The following CUL5 variants were observed in gnomAD, a reference collection of about 807,000 sequenced individuals.
CUL5 encodes the protein cullin-5.
In CUL5, 26 loss-of-function variants were observed where a neutral mutation model predicts 108.8. The observed-to-expected ratio is 0.24, with a 90% CI of 0.18 to 0.33. The LOEUF is 0.33. Among genes scored for constraint, CUL5 ranks in the 10% least tolerant of loss-of-function variants. CUL5 has a pLI of 1.00. For missense variants in CUL5, 524 were observed against 909.2 expected (o/e 0.58, Z 5.45); for synonymous variants, 334 against 298.0 (o/e 1.12, Z -1.25).
intron 2 of CUL5, among the ~76,000 whole-genome samples, chr11:108,036,440 A>G (rs1006358682): frequency 2.0e-5 from 3 of 152,210 alleles, no homozygotes; most frequent in Non-Finnish European, 4.4e-5. Flanking sequence ...AATAGCTGCA[A>G]AGTACAAAGT....
rs1864761555 is a variant in CUL5 at position 108,105,126 on chromosome 11, A to T, written c.*742A>T. 6.6e-6 allele frequency: 1 copy of T among 152,200 alleles called. No homozygotes were observed. The highest frequency in any genetic ancestry group is 2.1e-4 in the South Asian group (1 of 4,826). 9.4% of individuals were successfully genotyped at this position (152,200 alleles called of 1,614,324 possible). A position where few individuals can be genotyped will look rare whatever the true frequency, so the allele number is the denominator to read the frequency against. On this transcript the variant is annotated 3_prime_UTR_variant, in exon 19 of 19. Coordinates refer to ENST00000393094, the MANE Select transcript of CUL5 (RefSeq NM_003478.6). ...GTTTTGAAAAATGAAGCTTATATTA[A>T]TTGTTGCTTCAATAGTTTAAAAAAT... is the stretch of plus-strand genomic sequence containing the variant.
intron 1 of CUL5, among the ~76,000 whole-genome samples, chr11:108,012,875 G>GT (rs1862088634): frequency 6.6e-6 from 1 of 152,126 alleles, no homozygotes; most frequent in Non-Finnish European, 1.5e-5. Flanking sequence ...GGGATTACAG[G>GT]CGTGAGCCAC....
intron 1 of CUL5, among the ~76,000 whole-genome samples, chr11:108,016,455 T>C (rs551160399): frequency 1.3e-5 from 2 of 152,134 alleles, no homozygotes; most frequent in Non-Finnish European, 2.9e-5. Flanking sequence ...GGTTTTGCCA[T>C]GTTGTCCAGG....
chr11:108,085,934 G>A (rs1864211314), intron 11 of CUL5, among the ~76,000 whole-genome samples: 2 of 152,148 alleles, frequency 1.3e-5, no homozygotes, highest in South Asian at 4.1e-4. Flanking sequence ...TACATTTTAA[G>A]TGAGTGAATT....
At chr11:108,012,901 C>T (rs551278127) in intron 1 of CUL5, among the ~76,000 whole-genome samples, 54 of 152,244 alleles carry the variant, frequency 3.5e-4, no homozygotes, top group African/African-American at 1.3e-3. Flanking sequence ...TCTGCCTCCT[C>T]ATACAAACTT....
chr11:108,067,509 ACT>A (rs936623178), intron 7 of CUL5, among the ~76,000 whole-genome samples: 28 of 151,424 alleles, frequency 1.8e-4, no homozygotes, highest in Middle Eastern at 3.4e-3. Flanking sequence ...TATGTGATAC[ACT>A]CTGATATTTT....
intron 2 of CUL5, among the ~76,000 whole-genome samples, chr11:108,041,118 C>T (rs1862895205): frequency 6.6e-6 from 1 of 152,146 alleles, no homozygotes; most frequent in South Asian, 2.1e-4. Context: ...CCTTACCAAC[C>T]TTTCTTAGAA....
At chr11:108,058,599 A>G (rs184505261) in intron 7 of CUL5, among the ~76,000 whole-genome samples, 29 of 151,290 alleles carry the variant, frequency 1.9e-4, no homozygotes, top group African/African-American at 6.8e-4. Flanking sequence ...TATAGAGTGT[A>G]TTGGTGGTGG....
At chr11:108,042,109 A>C (rs1456572129) in intron 2 of CUL5, among the ~76,000 whole-genome samples, 1 of 151,744 alleles carries the variant, frequency 6.6e-6, no homozygotes, top group Non-Finnish European at 1.5e-5. Context: ...AAAGGGGGTT[A>C]GTTTGCCCAA....
chr11:108,034,480 A>G (rs1423090508), intron 2 of CUL5, among the ~76,000 whole-genome samples: 2 of 152,212 alleles, frequency 1.3e-5, no homozygotes. Context: ...CTCAGATGCC[A>G]GCCAAAGGCT....
chr11:108,063,875 C>G (rs1335129261), intron 7 of CUL5, among the ~76,000 whole-genome samples: 1 of 152,082 alleles, frequency 6.6e-6, no homozygotes, highest in African/African-American at 2.4e-5. Flanking sequence ...GTTCCTTTTT[C>G]TACACATTCT....
At chr11:108,102,970 A>AT (rs981375414) in intron 18 of CUL5, among the ~76,000 whole-genome samples, 17 of 151,462 alleles carry the variant, frequency 1.1e-4, no homozygotes, top group Admixed American at 3.9e-4. Flanking sequence ...TAATTTTTGT[A>AT]TTTTTTATAG....
At position 108,073,443 on chromosome 11, in the gene CUL5, A is replaced by G; in HGVS notation, c.1059A>G (p.Lys353=). 4 of 1,599,152 alleles carry G rather than the reference A, an allele frequency of 2.5e-6. No homozygotes were observed. The highest frequency in any genetic ancestry group is 3.4e-6 in the Non-Finnish European group (4 of 1,171,262). ...TTACACTATTTAATAGATTTAGTAA[A>G]CTCGTCAAAGAAGCTTTTCAAGATG... ...QLLTLFNRFS[K]LVKEAFQDDP... Residue 353 remains lysine (K), a synonymous_variant, in exon 10 of 19, where the codon AAA becomes AAG. Coordinates refer to ENST00000393094, the MANE Select transcript of CUL5 (RefSeq NM_003478.6).
intron 1 of CUL5, among the ~76,000 whole-genome samples, chr11:108,022,752 T>C (rs971425836): frequency 2.0e-5 from 3 of 152,184 alleles, no homozygotes; most frequent in African/African-American, 7.2e-5. Context: ...TTTTGAGATA[T>C]AAATTTTTTA....
intron 1 of CUL5, among the ~76,000 whole-genome samples, chr11:108,026,315 T>TAA (rs1337130887): frequency 1.3e-5 from 2 of 152,180 alleles, no homozygotes; most frequent in Non-Finnish European, 2.9e-5. Context: ...AGGCCAGTCA[T>TAA]ACTGCATTTC....
chr11:108,103,186 T>A (rs1180489746), intron 18 of CUL5, among the ~76,000 whole-genome samples: 1 of 152,226 alleles, frequency 6.6e-6, no homozygotes. Flanking sequence ...TAACTCTTAT[T>A]GTAAACTTAA....
intron 2 of CUL5, among the ~76,000 whole-genome samples, chr11:108,038,167 T>C (rs1215748166): frequency 6.6e-6 from 1 of 152,200 alleles, no homozygotes; most frequent in Non-Finnish European, 1.5e-5. Context: ...TTGTAAATTA[T>C]TCAATTAAAC....
intron 4 of CUL5, 30 bp from the exon 5 acceptor site, chr11:108,052,630 T>C: frequency 6.4e-7 from 1 of 1,564,094 alleles, no homozygotes; most frequent in South Asian, 1.2e-5. Flanking sequence ...TAATTGAAAA[T>C]TATGTTACAA....
rs1863257388 is a variant in CUL5 at position 108,052,520 on chromosome 11, C to A, written c.412-140C>A. The A allele has an allele frequency of 1.0e-5, 7 of 681,482 alleles. 1 individual carries two copies. In the South Asian group the frequency reaches 1.7e-4, roughly 17 times the overall value. 42.2% of individuals were successfully genotyped at this position (681,482 alleles called of 1,614,324 possible). On this transcript the variant is annotated intron_variant, in intron 4 of 18. Transcript: ENST00000393094. ...CCAGCGATCCACCTGCCTCGGCCTC[C>A]CAAATTGTTGGGACTACAGGCGTGA...
Sources: allele counts gnomAD v4.1 joint callset (sites outside exome capture counted in the v4.1 genomes callset), GRCh38; gene constraint gnomAD v4.1.1; transcripts MANE v1.5; gene names NCBI Gene and HGNC (gene_info 2026-07-23, HGNC 2026-07-21).